SEZ6L: variants seen among roughly 807,000 people sequenced by gnomAD.
SEZ6L encodes the protein seizure 6-like protein.
Under a neutral mutation model 106.2 loss-of-function variants are expected in SEZ6L, and 37 were observed. That is an observed-to-expected ratio of 0.35 (90% CI 0.27 to 0.46). SEZ6L has a LOEUF of 0.46. Ranked by LOEUF, SEZ6L falls within the 20% of genes least tolerant of loss-of-function variation. SEZ6L has a pLI of 1.00. For missense variants in SEZ6L, 1,172 were observed against 1,332.8 expected (o/e 0.88, Z 1.88); for synonymous variants, 541 against 570.4 (o/e 0.95, Z 0.73).
intron 13 of SEZ6L, among the ~76,000 whole-genome samples, chr22:26,365,767 G>A (rs971413052): frequency 6.6e-6 from 1 of 151,830 alleles, no homozygotes; most frequent in Non-Finnish European, 1.5e-5. Flanking sequence ...CCAGCTACTC[G>A]GGAGGCTGAG....
rs774743359 is a variant in SEZ6L, at chr22:26,193,269, C to T, written c.94+23506C>T. Among the ~76,000 whole-genome samples the T allele has an allele frequency of 4.1e-4, 63 of 152,290 alleles. 1 individual carries two copies. The highest frequency in any genetic ancestry group is 1.4e-3 in the African/African-American group (59 of 41,560). On this transcript the variant is annotated intron_variant, in intron 1 of 16. Coordinates refer to ENST00000248933, the MANE Select transcript of SEZ6L (RefSeq NM_021115.5). ...TCCCAGTTTGTCACTGGAAAAAATT[C>T]GTGTGAGACAAATATGGCTTAATGC...
intron 1 of SEZ6L, among the ~76,000 whole-genome samples, chr22:26,213,600 A>G (rs974753479): frequency 8.5e-5 from 13 of 152,200 alleles, no homozygotes; most frequent in African/African-American, 3.1e-4. Flanking sequence ...TTCTTCCTTG[A>G]CAAGAAGGAT....
In SEZ6L at chr22:26,380,281, G is replaced by A. The variant is rs1289628674; in HGVS notation, c.3061G>A (p.Glu1021Lys). 2 of 1,613,550 alleles carry A rather than the reference G, an allele frequency of 1.2e-6. No homozygotes were observed. The highest frequency in any genetic ancestry group is 1.7e-6 in the Non-Finnish European group (2 of 1,179,698). ...IYETGETREY[E>K]VSI is the part of the protein sequence containing the mutation. ...TCTCTTGCAGGAAACCAGAGAGTAT[G>A]AGGTTTCTATCTAAAGAGAGCTACA... is the stretch of plus-strand genomic sequence containing the variant. Residue 1021 changes from glutamate to lysine, a missense_variant, in exon 17 of 17, where the codon GAG (glutamate) becomes AAG (lysine). By Grantham distance (56) the Glu-to-Lys change is moderately conservative. Transcript: ENST00000248933.
rs192164480 is a variant in SEZ6L, at chr22:26,350,230, T to A, written c.2408-822T>A. ...TATACACATATATATATATATATAT[T>A]TATATGTATTTTTTTGAGGCAAGGT... On this transcript the variant is annotated intron_variant, in intron 11 of 16. Coordinates refer to ENST00000248933, the MANE Select transcript of SEZ6L (RefSeq NM_021115.5). Among the ~76,000 whole-genome samples the A allele has an allele frequency of 3.9e-3, 560 of 144,768 alleles. 1 individual carries two copies. The highest frequency in any genetic ancestry group is 0.018 in the Middle Eastern group (5 of 280). The allele number at this position is 144,768 out of a possible 152,430, so 95.0% of individuals were successfully genotyped here.
intron 12 of SEZ6L, chr22:26,365,018 C>A: frequency 5.7e-6 from 1 of 175,460 alleles, no homozygotes. Flanking sequence ...TATTTTAGTC[C>A]TCCAAATTCC....
intron 1 of SEZ6L, among the ~76,000 whole-genome samples, chr22:26,208,402 T>C (rs537372971): frequency 9.2e-5 from 14 of 152,372 alleles, no homozygotes; most frequent in African/African-American, 2.9e-4. Context: ...TAGTTACTTT[T>C]ATCTGAATAT....
rs748888826 is a variant in SEZ6L, at chr22:26,292,670, C to G, written c.359C>G (p.Pro120Arg). 1.9e-6 allele frequency: 3 copies of G among 1,613,442 alleles called. No homozygotes were observed. Among genetic ancestry groups the G allele is most frequent in the African/African-American group, 1.3e-5 (1 of 75,030 alleles). ...GCCTTGCCCCCCAAGAAGAAACTGC[C>G]TTCGCTCAAGCAGGTGAACTCTGCC... ...KHALPPKKKL[P>R]SLKQVNSARK... Residue 120 changes from proline (P) to arginine (R), a missense_variant, in exon 2 of 17, where the codon CCT becomes CGT. Coordinates refer to ENST00000248933, the MANE Select transcript of SEZ6L (RefSeq NM_021115.5).
intron 1 of SEZ6L, among the ~76,000 whole-genome samples, chr22:26,291,809 A>G (rs2081117718): frequency 1.3e-5 from 2 of 152,070 alleles, no homozygotes; most frequent in South Asian, 4.1e-4. Flanking sequence ...CTTAGCACAC[A>G]AGCTTTTCTC....
chr22:26,311,017 A>C (rs2081812684), intron 7 of SEZ6L, among the ~76,000 whole-genome samples, 181 bp downstream of exon 7: 1 of 152,224 alleles, frequency 6.6e-6, no homozygotes, highest in African/African-American at 2.4e-5. Flanking sequence ...GCCTATCATT[A>C]ACTGTGCACT....
Position 26,217,639 on chromosome 22 carries a change from T to A in SEZ6L, c.94+47876T>A, listed in dbSNP as rs117078777. Among the ~76,000 whole-genome samples the A allele has an allele frequency of 9.2e-3, 1,399 of 152,352 alleles. 8 individuals carry two copies. Among genetic ancestry groups the A allele is most frequent in the Non-Finnish European group, 0.015 (990 of 68,030 alleles). On this transcript the variant is annotated intron_variant, in intron 1 of 16. Coordinates refer to ENST00000248933, the MANE Select transcript of SEZ6L (RefSeq NM_021115.5). ...CATCCAATTTCAATTTCTATGGCCATGAGCAAGTCCCCCACTCTGGGCCTC... is the reference window on the plus strand; with the variant it reads ...CATCCAATTTCAATTTCTATGGCCAAGAGCAAGTCCCCCACTCTGGGCCTC...
chr22:26,354,765 GCCTC>G (rs901181488), intron 12 of SEZ6L, among the ~76,000 whole-genome samples: 2 of 152,226 alleles, frequency 1.3e-5, no homozygotes, highest in Non-Finnish European at 2.9e-5. Flanking sequence ...CAAGACGCAA[GCCTC>G]CCTCCCTCCC....
rs139256781 is a variant in SEZ6L at position 26,191,670 on chromosome 22, G to A, written c.94+21907G>A. Among the ~76,000 whole-genome samples the A allele has an allele frequency of 5.1e-4, 77 of 152,280 alleles. 1 individual carries two copies. Among genetic ancestry groups the A allele is most frequent in the Middle Eastern group, 3.4e-3 (1 of 292 alleles). ...TAATATCTAGGTGACAGGATGATCT[G>A]TGCAGCAAACCACCATGGCACATGT... On this transcript the variant is annotated intron_variant, in intron 1 of 16. Coordinates refer to ENST00000248933, the MANE Select transcript of SEZ6L (RefSeq NM_021115.5).
At chr22:26,304,375 AGAAAGAAAG>A (rs1258918169) in intron 5 of SEZ6L, among the ~76,000 whole-genome samples, 1 of 75,406 alleles carries the variant, frequency 1.3e-5, no homozygotes, top group Non-Finnish European at 2.8e-5. Flanking sequence ...GAAAGAAGAA[AGAAAGAAAG>A]AAAGAAAGAA....
intron 1 of SEZ6L, among the ~76,000 whole-genome samples, chr22:26,183,278 T>C (rs1939529456): frequency 6.6e-6 from 1 of 152,234 alleles, no homozygotes; most frequent in Non-Finnish European, 1.5e-5. Context: ...ACTTGATAAG[T>C]ACTAGGGATA....
At chr22:26,225,582 A>G (rs767436356) in intron 1 of SEZ6L, among the ~76,000 whole-genome samples, 1 of 152,196 alleles carries the variant, frequency 6.6e-6, no homozygotes, top group Non-Finnish European at 1.5e-5. Context: ...TGATGTTTTT[A>G]GCTGTGTTAG....
intron 1 of SEZ6L, among the ~76,000 whole-genome samples, chr22:26,200,164 A>C (rs1279585335): frequency 6.6e-6 from 1 of 152,034 alleles, no homozygotes; most frequent in Non-Finnish European, 1.5e-5. Flanking sequence ...CTTCTAATGT[A>C]TATATTTCCT....
intron 1 of SEZ6L, among the ~76,000 whole-genome samples, chr22:26,284,728 T>C (rs545133535): frequency 2.0e-5 from 3 of 152,150 alleles, no homozygotes; most frequent in Non-Finnish European, 4.4e-5. Context: ...GCTTGTACTT[T>C]TGATTTCTTA....
chr22:26,382,366 C>T lies in SEZ6L; in HGVS notation c.*2071C>T, dbSNP rs528499403. The stretch of plus-strand genomic sequence containing the variant: ...ACTCTATGAATAATATTTGATTTTA[C>T]AACGTGTTATGGTTATGTGAAAACT... On this transcript the variant is annotated 3_prime_UTR_variant, in exon 17 of 17. Coordinates refer to ENST00000248933, the MANE Select transcript of SEZ6L (RefSeq NM_021115.5). The T allele has an allele frequency of 1.8e-5, 3 of 170,564 alleles. No individual in the cohort carries two copies. Among genetic ancestry groups the T allele is most frequent in the Admixed American group, 5.9e-5 (1 of 17,012 alleles). The allele number at this position is 170,564 out of a possible 1,614,324, so 10.6% of individuals were successfully genotyped here.
intron 10 of SEZ6L, among the ~76,000 whole-genome samples, chr22:26,344,124 T>C (rs1024699019): frequency 2.0e-5 from 3 of 152,332 alleles, no homozygotes; most frequent in South Asian, 4.1e-4. Context: ...GAAGATCCTA[T>C]ATTGACCTAA....
Sources: allele counts gnomAD v4.1 joint callset (sites outside exome capture counted in the v4.1 genomes callset), GRCh38; gene constraint gnomAD v4.1.1; transcripts MANE v1.5; gene names NCBI Gene and HGNC (gene_info 2026-07-23, HGNC 2026-07-21).